The following APAF1 variants were observed in gnomAD, a reference collection of about 807,000 sequenced individuals.
APAF1 encodes apoptotic protease-activating factor 1.
In APAF1, 91 loss-of-function variants were observed where a neutral mutation model predicts 152.4. The observed-to-expected ratio is 0.60, with a 90% CI of 0.50 to 0.71. APAF1 has a LOEUF of 0.71. Among genes scored for constraint, APAF1 ranks in the 30% least tolerant of loss-of-function variants. The pLI is 0.00. For missense variants in APAF1, 1,283 were observed against 1,472.0 expected, an observed-to-expected ratio of 0.87 and a Z score of 2.10; for synonymous variants, 484 against 494.1, an observed-to-expected ratio of 0.98 and a Z score of 0.27.
In APAF1 at chr12:98,653,719, T is replaced by TATAG. The variant is rs1555213975; in HGVS notation, c.526+4038_526+4039insGATA. Among the ~76,000 whole-genome samples, 626 of 108,094 alleles carry TATAG rather than the reference T, an allele frequency of 5.8e-3. 18 individuals are homozygous for TATAG. The highest frequency in any genetic ancestry group is 7.8e-3 in the Non-Finnish European group (431 of 55,550). 70.9% of individuals were successfully genotyped at this position (108,094 alleles called of 152,430 possible). On this transcript the variant is annotated intron_variant, in intron 4 of 26. Coordinates refer to ENST00000551964, the MANE Select transcript of APAF1 (RefSeq NM_181861.2). ...ATATATATATATATATATATATATA[T>TATAG]ATATAGTTTTTAACTATTTATGTCT...
At chr12:98,647,352 A>C (rs143938593) in intron 1 of APAF1, among the ~76,000 whole-genome samples, 1 of 151,848 alleles carries the variant, frequency 6.6e-6, no homozygotes, top group African/African-American at 2.4e-5. Flanking sequence ...CTAAACGTCT[A>C]TATATATTCA....
chr12:98,714,282 T>C (rs2097731442), intron 21 of APAF1, among the ~76,000 whole-genome samples: 1 of 152,198 alleles, frequency 6.6e-6, no homozygotes, highest in South Asian at 2.1e-4. Flanking sequence ...GTTAGTTCCC[T>C]CAAAGTCATC....
chr12:98,697,822 A>G (rs1364518773), intron 16 of APAF1, among the ~76,000 whole-genome samples: 2 of 152,234 alleles, frequency 1.3e-5, no homozygotes, highest in East Asian at 1.9e-4. Flanking sequence ...TGAAAACTGT[A>G]AAATTATGTC....
chr12:98,671,846 A>T (rs1593047741), intron 12 of APAF1, 127 bp downstream of exon 12: 2 of 837,166 alleles, frequency 2.4e-6, no homozygotes, highest in East Asian at 5.2e-5. Context: ...TTTAATAAGC[A>T]TTCTTACTTA....
chr12:98,717,733 C>T (rs1565892062), intron 22 of APAF1, among the ~76,000 whole-genome samples: 1 of 151,852 alleles, frequency 6.6e-6, no homozygotes. Context: ...GCTGTTCCCT[C>T]CAAGTTGCTT....
In APAF1 at chr12:98,650,495, G is replaced by GT. The variant is rs943164157; in HGVS notation, c.526+817dup. On this transcript the variant is annotated intron_variant, in intron 4 of 26. Coordinates refer to ENST00000551964, the MANE Select transcript of APAF1 (RefSeq NM_181861.2). ...GAGCAAGACTCCATCTCAAAAAAAA[G>GT]TTTTTTGTTTTTTTTTTTTTGATAT... Among the ~76,000 whole-genome samples, 9 of 150,022 alleles carry GT rather than the reference G, an allele frequency of 6.0e-5. 1 individual carries two copies. The highest frequency in any genetic ancestry group is 2.2e-4 in the African/African-American group (9 of 40,380).
intron 4 of APAF1, among the ~76,000 whole-genome samples, chr12:98,654,642 A>G (rs2097654031): frequency 6.6e-6 from 1 of 151,984 alleles, no homozygotes; most frequent in African/African-American, 2.4e-5. Context: ...ACCTGACCCA[A>G]GTGATCCCCT....
At chr12:98,725,392 A>G (rs751017701) in intron 24 of APAF1, 23 bp from the exon 25 acceptor site, 2 of 1,613,750 alleles carry the variant, frequency 1.2e-6, no homozygotes, top group African/African-American at 1.3e-5. Context: ...TAGCATTGCT[A>G]AACAATCCTA....
intron 5 of APAF1, among the ~76,000 whole-genome samples, chr12:98,660,768 A>AGGTAGT (rs1419571275): frequency 2.6e-5 from 4 of 152,238 alleles, no homozygotes; most frequent in Admixed American, 2.6e-4. Context: ...AGTGAGAGTT[A>AGGTAGT]GGTAGTGGCT....
At chr12:98,727,978 T>A (rs919742574) in intron 26 of APAF1, among the ~76,000 whole-genome samples, 34 of 143,780 alleles carry the variant, frequency 2.4e-4, no homozygotes, top group African/African-American at 5.0e-4. Context: ...ATTAATTAAT[T>A]AATTAATTAA....
At chr12:98,646,561 CTCTT>C (rs1348856232) in intron 1 of APAF1, among the ~76,000 whole-genome samples, 3 of 152,208 alleles carry the variant, frequency 2.0e-5, no homozygotes, top group African/African-American at 7.2e-5. Context: ...CACTCTCTCT[CTCTT>C]TTTCTTCTTT....
chr12:98,665,169 A>G (rs1593038253), intron 7 of APAF1, among the ~76,000 whole-genome samples: 1 of 150,732 alleles, frequency 6.6e-6, no homozygotes, highest in Non-Finnish European at 1.5e-5. Context: ...AGCCGGCACT[A>G]TAGGCACACA....
intron 22 of APAF1, among the ~76,000 whole-genome samples, chr12:98,720,976 G>GA (rs71436928): frequency 1.1e-4 from 16 of 148,150 alleles, no homozygotes; most frequent in African/African-American, 2.5e-4. Flanking sequence ...CAAAAAAAAA[G>GA]AAAAAAAAAA....
chr12:98,731,665 A>C (rs2097761778), intron 26 of APAF1, among the ~76,000 whole-genome samples: 1 of 152,238 alleles, frequency 6.6e-6, no homozygotes, highest in East Asian at 1.9e-4. Context: ...TACTGTGTTC[A>C]TAATACTCAG....
intron 26 of APAF1, among the ~76,000 whole-genome samples, chr12:98,731,563 A>G (rs1381969606): frequency 2.6e-5 from 4 of 152,204 alleles, no homozygotes; most frequent in African/African-American, 9.6e-5. Flanking sequence ...AGCAGTTACT[A>G]TTACTAATAG....
chr12:98,723,944 T>C (rs1024598984), intron 24 of APAF1, among the ~76,000 whole-genome samples, 180 bp downstream of exon 24: 5 of 152,258 alleles, frequency 3.3e-5, no homozygotes, highest in African/African-American at 1.2e-4. Flanking sequence ...ATGAAATACA[T>C]TGAGGACTTC....
intron 21 of APAF1, 134 bp downstream of exon 21, chr12:98,712,569 TAC>T (rs1203758371): frequency 1.5e-6 from 1 of 665,342 alleles, no homozygotes; most frequent in Non-Finnish European, 2.7e-6. Flanking sequence ...CCACGCTGAG[TAC>T]AGTGACACGA....
intron 19 of APAF1, among the ~76,000 whole-genome samples, chr12:98,708,099 A>T (rs1258266944): frequency 1.3e-5 from 2 of 152,136 alleles, no homozygotes; most frequent in Non-Finnish European, 2.9e-5. Flanking sequence ...GGTGCACACC[A>T]CCATGCCCAG....
At chr12:98,666,727 T>A (rs1366496647) in intron 9 of APAF1, among the ~76,000 whole-genome samples, 1 of 152,194 alleles carries the variant, frequency 6.6e-6, no homozygotes, top group Non-Finnish European at 1.5e-5. Flanking sequence ...TTTTGTACAG[T>A]ATACCCAAAT....
Sources: allele counts gnomAD v4.1 joint callset (sites outside exome capture counted in the v4.1 genomes callset), GRCh38; gene constraint gnomAD v4.1.1; transcripts MANE v1.5; gene names NCBI Gene and HGNC (gene_info 2026-07-23, HGNC 2026-07-21).